Variants in STIM1 observed in about 807,000 individuals in gnomAD.
STIM1 encodes the protein stromal interaction molecule 1.
A neutral mutation model predicts 74.7 loss-of-function variants in STIM1; 25 were observed. That is an observed-to-expected ratio of 0.33 (90% CI 0.24 to 0.47). The LOEUF (loss-of-function observed/expected upper bound fraction) is 0.47, where lower values mean the gene tolerates loss of function less well. STIM1 is among the 20% of genes least tolerant of loss of function. STIM1 has a pLI of 1.00. For missense variants in STIM1, 728 were observed against 920.8 expected, an observed-to-expected ratio of 0.79 and a Z score of 2.71; for synonymous variants, 328 against 348.8, an observed-to-expected ratio of 0.94 and a Z score of 0.66.
At chr11:3,894,254 G>A (rs2091986437) in intron 1 of STIM1, among the ~76,000 whole-genome samples, 1 of 152,038 alleles carries the variant, frequency 6.6e-6, no homozygotes, top group Admixed American at 6.6e-5. Flanking sequence ...CCTCATATTT[G>A]TTGTTTTTGG....
intron 1 of STIM1, among the ~76,000 whole-genome samples, chr11:3,868,982 T>G (rs1171652457): frequency 1.3e-5 from 2 of 152,174 alleles, no homozygotes; most frequent in East Asian, 3.8e-4. Context: ...TCTCTCTTTT[T>G]TTTTTTGACC....
intron 6 of STIM1, among the ~76,000 whole-genome samples, chr11:4,073,633 T>C (rs192286029): frequency 1.9e-3 from 291 of 152,272 alleles, no homozygotes; most frequent in Non-Finnish European, 3.0e-3. Flanking sequence ...TGTATTAACA[T>C]AGATAGCCGT....
intron 3 of STIM1, among the ~76,000 whole-genome samples, chr11:4,026,167 G>A (rs1394020665): frequency 6.6e-6 from 1 of 152,170 alleles, no homozygotes; most frequent in Admixed American, 6.5e-5. Flanking sequence ...GTCAGCAGTG[G>A]TCACTTGTGT....
At chr11:3,863,745 C>T (rs1252138048) in intron 1 of STIM1, among the ~76,000 whole-genome samples, 1 of 152,080 alleles carries the variant, frequency 6.6e-6, no homozygotes, top group African/African-American at 2.4e-5. Flanking sequence ...TAGTAGCCAT[C>T]TTAGGGATCA....
At chr11:3,855,158 C>G (rs893562553), upstream of STIM1, 4 of 152,316 alleles carry the variant, frequency 2.6e-5, no homozygotes, top group Non-Finnish European at 5.9e-5. Flanking sequence ...TGGGAACTGG[C>G]CGGGAGTTGG....
rs1565104462 is a variant in STIM1, at chr11:3,895,608, C to CTCTTTCTCTTTCTTTCTT, written c.139+39206_139+39207insCTTTCTTTCTTTCTTTCT. ...CGGGAATAGTGTTCTTTCTTTCTCT[C>CTCTTTCTCTTTCTTTCTT]TCTTTCTTTCTTTCTTTCTTTCTTT... On this transcript the variant is annotated intron_variant, in intron 1 of 12. Transcript: ENST00000526596. 9.1e-3 allele frequency among the ~76,000 whole-genome samples: 480 copies of CTCTTTCTCTTTCTTTCTT among 52,546 alleles called. 30 individuals carry two copies. Among genetic ancestry groups the CTCTTTCTCTTTCTTTCTT allele is most frequent in the African/African-American group, 0.019 (165 of 8,722 alleles). 34.5% of individuals were successfully genotyped at this position (52,546 alleles called of 152,430 possible).
intron 2 of STIM1, among the ~76,000 whole-genome samples, chr11:4,017,854 C>T (rs1226508012): frequency 1.3e-5 from 2 of 152,202 alleles, no homozygotes; most frequent in Non-Finnish European, 2.9e-5. Flanking sequence ...TATTGCAATA[C>T]CCACCTGAGT....
At chr11:3,977,973 TC>T (rs1419761063) in intron 2 of STIM1, among the ~76,000 whole-genome samples, 6 of 152,064 alleles carry the variant, frequency 3.9e-5, no homozygotes, top group African/African-American at 1.4e-4. Flanking sequence ...TGGGAGCCAC[TC>T]CCAGCAGTGT....
At chr11:3,895,606 C>CTCTCTT (rs1216875964) in intron 1 of STIM1, among the ~76,000 whole-genome samples, 3,037 of 65,778 alleles carry the variant, frequency 0.046, 376 homozygotes, top group East Asian at 0.079. Flanking sequence ...CTTTCTTTCT[C>CTCTCTT]TCTCTTTCTT....
chr11:3,907,390 T>C (rs1173930003), intron 1 of STIM1, among the ~76,000 whole-genome samples: 4 of 152,254 alleles, frequency 2.6e-5, no homozygotes, highest in Non-Finnish European at 5.9e-5. Flanking sequence ...ATTTTAGATA[T>C]CTAATAGGCA....
intron 1 of STIM1, among the ~76,000 whole-genome samples, chr11:3,940,206 C>G (rs1397536286): frequency 6.6e-6 from 1 of 152,028 alleles, no homozygotes. Context: ...TTGGTTTGGC[C>G]AAAACTCTTG....
chr11:4,037,349 C>A (rs1343924198), intron 3 of STIM1, among the ~76,000 whole-genome samples: 1 of 152,198 alleles, frequency 6.6e-6, no homozygotes, highest in Non-Finnish European at 1.5e-5. Flanking sequence ...CTGCATCCAG[C>A]CTGCATACTT....
At chr11:3,974,020 A>C in intron 2 of STIM1, 1 of 690,518 alleles carries the variant, frequency 1.4e-6, no homozygotes, top group Non-Finnish European at 2.6e-6. Flanking sequence ...GTAGCCTTGC[A>C]TTCACGGCTG....
intron 1 of STIM1, among the ~76,000 whole-genome samples, chr11:3,878,005 G>A (rs1040810530): frequency 2.6e-5 from 4 of 152,206 alleles, no homozygotes; most frequent in African/African-American, 7.2e-5. Context: ...GTCACTAGGC[G>A]AGAAGTGAGT....
At chr11:3,884,487 T>A (rs1157800716) in intron 1 of STIM1, among the ~76,000 whole-genome samples, 1 of 152,134 alleles carries the variant, frequency 6.6e-6, no homozygotes, top group East Asian at 1.9e-4. Context: ...GACACTGACT[T>A]ATGCAGTCCT....
intron 2 of STIM1, among the ~76,000 whole-genome samples, chr11:3,979,045 C>A (rs1254458140): frequency 6.6e-6 from 1 of 152,088 alleles, no homozygotes; most frequent in African/African-American, 2.4e-5. Flanking sequence ...GGTTCACTTG[C>A]AATATCTAAA....
intron 1 of STIM1, among the ~76,000 whole-genome samples, chr11:3,912,158 T>C: frequency 8.2e-5 from 5 of 61,320 alleles, no homozygotes; most frequent in Non-Finnish European, 9.2e-5. Flanking sequence ...TCCCCTCCCT[T>C]CTCCCCTCCC....
intron 1 of STIM1, among the ~76,000 whole-genome samples, chr11:3,864,831 C>G (rs2090788957): frequency 1.3e-5 from 2 of 152,184 alleles, no homozygotes; most frequent in African/African-American, 4.8e-5. Flanking sequence ...CTTTGACTTC[C>G]TTTGCTTATG....
intron 1 of STIM1, among the ~76,000 whole-genome samples, chr11:3,949,921 T>C (rs2093124798): frequency 6.6e-6 from 1 of 152,190 alleles, no homozygotes; most frequent in Non-Finnish European, 1.5e-5. Context: ...ATCCTTCCTA[T>C]TCTTTTATAA....
Sources: allele counts gnomAD v4.1 joint callset (sites outside exome capture counted in the v4.1 genomes callset), GRCh38; gene constraint gnomAD v4.1.1; transcripts MANE v1.5; gene names NCBI Gene and HGNC (gene_info 2026-07-23, HGNC 2026-07-21).